Variants in VAV2 observed in about 807,000 individuals in gnomAD.
VAV2 encodes vav guanine nucleotide exchange factor 2.
Under a neutral mutation model 132.5 loss-of-function variants are expected in VAV2, and 67 were observed. The observed-to-expected ratio is 0.51, with a 90% confidence interval of 0.42 to 0.62. VAV2 has a LOEUF of 0.62. Among genes scored for constraint, VAV2 ranks in the 20% least tolerant of loss-of-function variants. The pLI is 0.00. For missense variants in VAV2, 938 were observed against 1,153.6 expected (o/e 0.81, Z 2.71); for synonymous variants, 492 against 443.5 (o/e 1.11, Z -1.37).
intron 2 of VAV2, among the ~76,000 whole-genome samples, chr9:133,870,275 G>A (rs1199111493): frequency 2.0e-5 from 3 of 152,144 alleles, no homozygotes; most frequent in Non-Finnish European, 2.9e-5. Context: ...CAGGAAGAGA[G>A]GTGGGAGCCG....
At position 133,794,130 on chromosome 9, in the gene VAV2, C is replaced by T. The variant is rs374691438; in HGVS notation, c.1101+1538G>A. 7.0e-4 allele frequency among the ~76,000 whole-genome samples: 107 copies of T among 152,210 alleles called. No individual in the cohort carries two copies. Among genetic ancestry groups the T allele is most frequent in the African/African-American group, 2.5e-3 (102 of 41,528 alleles). On this transcript the variant is annotated intron_variant, in intron 12 of 29. Coordinates refer to ENST00000371850, the MANE Select transcript of VAV2 (RefSeq NM_001134398.2). The surrounding 1 kb of genome is among the most constrained non-coding windows in gnomAD (Gnocchi z 4.6). The stretch of plus-strand genomic sequence containing the variant: ...ATGAAACGCAAGACCACACTCAGGG[C>T]CCGGGTGCACGGCCCACTGCACCTG...
At chr9:133,847,253 G>A (rs916054206) in intron 3 of VAV2, among the ~76,000 whole-genome samples, 1 of 152,212 alleles carries the variant, frequency 6.6e-6, no homozygotes, top group East Asian at 1.9e-4. Flanking sequence ...CCCACCAAGT[G>A]GGTGCTCAGG....
intron 1 of VAV2, among the ~76,000 whole-genome samples, chr9:133,974,255 T>G (rs1407212812): frequency 1.3e-5 from 2 of 152,084 alleles, no homozygotes; most frequent in African/African-American, 4.8e-5. Flanking sequence ...TAGCGGTCAG[T>G]AACGCTTGCT....
intron 9 of VAV2, among the ~76,000 whole-genome samples, chr9:133,805,797 G>A (rs551134410): frequency 2.6e-5 from 4 of 152,294 alleles, no homozygotes; most frequent in East Asian, 1.9e-4. Context: ...TGGGACAGCC[G>A]AGCCACTTGG....
Position 133,833,757 on chromosome 9 carries a change from G to A in VAV2, c.449+515C>T, listed in dbSNP as rs115731068. Among the ~76,000 whole-genome samples the A allele has an allele frequency of 5.6e-3, 851 of 152,264 alleles. 10 individuals are homozygous for A. Among genetic ancestry groups the A allele is most frequent in the African/African-American group, 0.019 (807 of 41,560 alleles). On this transcript the variant is annotated intron_variant, in intron 4 of 29. Coordinates refer to ENST00000371850, the MANE Select transcript of VAV2 (RefSeq NM_001134398.2). This position sits in a 1 kb window ranked among gnomAD's most constrained non-coding sequence, Gnocchi z 5.6. ...GAGGCCTCTCAGAGAGAGGAATGAGGTGGACACGGAGAAGAGCAGAGGCGG... is the reference window on the plus strand; with the variant it reads ...GAGGCCTCTCAGAGAGAGGAATGAGATGGACACGGAGAAGAGCAGAGGCGG...
intron 1 of VAV2, among the ~76,000 whole-genome samples, chr9:133,954,485 T>C (rs935591139): frequency 2.6e-5 from 4 of 152,266 alleles, no homozygotes; most frequent in African/African-American, 9.6e-5. Context: ...ACATCGCAAG[T>C]GCGCAGTGAA....
At chr9:133,817,010 A>AT (rs1835585708) in intron 4 of VAV2, among the ~76,000 whole-genome samples, 2 of 152,142 alleles carry the variant, frequency 1.3e-5, no homozygotes, top group South Asian at 4.2e-4. Flanking sequence ...CGTCTTGTCA[A>AT]TTTTTTTAAA....
chr9:133,928,186 T>TGTGCGTGC lies in VAV2; in HGVS notation c.321+10909_321+10916dup, dbSNP rs1048696409. Among the ~76,000 whole-genome samples, 1 of 151,330 alleles carries TGTGCGTGC rather than the reference T, an allele frequency of 6.6e-6. No homozygotes were observed. The highest frequency in any genetic ancestry group is 2.4e-5 in the African/African-American group (1 of 41,140). ...TACCGACTCCGTGTGTGTGTGTGTG[T>TGTGCGTGC]GTGCGTGCATGTGTGTATGTCTGTG... On this transcript the variant is annotated intron_variant, in intron 2 of 29. Coordinates refer to ENST00000371850, the MANE Select transcript of VAV2 (RefSeq NM_001134398.2). The surrounding 1 kb of genome is among the most constrained non-coding windows in gnomAD (Gnocchi z 5.4).
At chr9:133,819,725 G>A (rs7046253) in intron 4 of VAV2, among the ~76,000 whole-genome samples, 1 of 151,752 alleles carries the variant, frequency 6.6e-6, no homozygotes. Context: ...CTTTTCATTC[G>A]TCCAAAGCGC....
rs529648065 is a variant in VAV2 at position 133,785,395 on chromosome 9, G to T, written c.1532+381C>A. Reference sequence around the variant, plus strand: ...TTCAAAAACAGGTGACAAGCCGCCAGCCCGTAAGACCCTGAAGACTGGGGT... The same window carrying T: ...TTCAAAAACAGGTGACAAGCCGCCATCCCGTAAGACCCTGAAGACTGGGGT... On this transcript the variant is annotated intron_variant, in intron 17 of 29. Coordinates refer to ENST00000371850, the MANE Select transcript of VAV2 (RefSeq NM_001134398.2). Among the ~76,000 whole-genome samples the T allele has an allele frequency of 2.6e-5, 4 of 152,310 alleles. No individual in the cohort carries two copies. In the East Asian group the frequency reaches 7.7e-4, roughly 29 times the overall value.
Position 133,823,059 on chromosome 9 carries a change from C to T in VAV2, c.450-10843G>A, listed in dbSNP as rs937873101. Among the ~76,000 whole-genome samples the T allele has an allele frequency of 4.6e-5, 7 of 152,308 alleles. No homozygotes were observed. The highest frequency in any genetic ancestry group is 1.9e-4 in the East Asian group (1 of 5,184). ...CTCAGGGGACAGGAGCAGGGATTGTCGAACAGCGTATGGACCTATGGCTCA... is the reference window on the plus strand; with the variant it reads ...CTCAGGGGACAGGAGCAGGGATTGTTGAACAGCGTATGGACCTATGGCTCA... On this transcript the variant is annotated intron_variant, in intron 4 of 29. Transcript: ENST00000371850. The surrounding 1 kb of genome is among the most constrained non-coding windows in gnomAD (Gnocchi z 5.5).
rs143533567 is a variant in VAV2 at position 133,912,948 on chromosome 9, G to A, written c.321+26155C>T. The stretch of plus-strand genomic sequence containing the variant: ...TCCAACTTCAGCCAGCACAGTCCAC[G>A]GGCGGTGGAGTGCCATTTGGAACCG... On this transcript the variant is annotated intron_variant, in intron 2 of 29. Transcript: ENST00000371850. The surrounding 1 kb of genome is among the most constrained non-coding windows in gnomAD (Gnocchi z 4.3). Among the ~76,000 whole-genome samples the A allele has an allele frequency of 2.5e-3, 381 of 152,292 alleles. 3 individuals carry two copies. The highest frequency in any genetic ancestry group is 0.022 in the Admixed American group (329 of 15,294).
At chr9:133,954,565 G>T (rs533783657) in intron 1 of VAV2, among the ~76,000 whole-genome samples, 1 of 152,340 alleles carries the variant, frequency 6.6e-6, no homozygotes, top group East Asian at 1.9e-4. Context: ...TGGGAGGCTG[G>T]GGGGAGCGGG....
At chr9:133,844,621 C>T (rs887134099) in intron 3 of VAV2, among the ~76,000 whole-genome samples, 12 of 152,218 alleles carry the variant, frequency 7.9e-5, no homozygotes, top group African/African-American at 2.9e-4. Flanking sequence ...ACACTCCCTG[C>T]AGACACAGGA....
intron 2 of VAV2, among the ~76,000 whole-genome samples, chr9:133,921,771 C>A (rs1242750516): frequency 6.6e-6 from 1 of 152,256 alleles, no homozygotes; most frequent in Non-Finnish European, 1.5e-5. Flanking sequence ...CACACAAGGA[C>A]CCCTAGCCTA....
chr9:133,949,620 T>C lies in VAV2; in HGVS notation c.205-10401A>G, dbSNP rs183221534. 8.5e-5 allele frequency among the ~76,000 whole-genome samples: 13 copies of C among 152,298 alleles called. No homozygotes were observed. In the East Asian group the frequency reaches 2.5e-3, roughly 29 times the overall value. ...CACTCCAGGCAATGCTGCTGCGAGA[T>C]GGGAAACAGGCTTCCCAGAGAAGAT... On this transcript the variant is annotated intron_variant, in intron 1 of 29. Coordinates refer to ENST00000371850, the MANE Select transcript of VAV2 (RefSeq NM_001134398.2).
At chr9:133,875,321 C>G (rs571423462) in intron 2 of VAV2, among the ~76,000 whole-genome samples, 1 of 152,328 alleles carries the variant, frequency 6.6e-6, no homozygotes, top group Non-Finnish European at 1.5e-5. Flanking sequence ...GCCAACTGCC[C>G]CCACCACACA....
At chr9:133,851,571 C>A (rs1837167950) in intron 3 of VAV2, among the ~76,000 whole-genome samples, 1 of 152,226 alleles carries the variant, frequency 6.6e-6, no homozygotes, top group African/African-American at 2.4e-5. Context: ...AACCTCACAA[C>A]AGAGGTTGCA....
At chr9:133,808,880 G>C (rs1323409280) in intron 7 of VAV2, among the ~76,000 whole-genome samples, 160 bp downstream of exon 7, 2 of 152,236 alleles carry the variant, frequency 1.3e-5, no homozygotes, top group East Asian at 1.9e-4. Flanking sequence ...CTTTTGGGTA[G>C]GGGGTACCTG....
Sources: gnomAD v4.1 joint callset for allele counts (sites outside exome capture counted in the v4.1 genomes callset) on GRCh38, gnomAD v4.1.1 for gene constraint, Gnocchi (gnomAD v3.1) non-coding constraint, MANE v1.5 for transcripts, NCBI Gene and HGNC (gene_info 2026-07-23, HGNC 2026-07-21) for gene names.